NAALAD2: variants seen among roughly 807,000 people sequenced by gnomAD.
The protein encoded by NAALAD2 is N-acetylated alpha-linked acidic dipeptidase 2.
In NAALAD2, 89 loss-of-function variants were observed where a neutral mutation model predicts 95.6. That is an observed-to-expected ratio of 0.93 (90% CI 0.78 to 1.11). The LOEUF (loss-of-function observed/expected upper bound fraction) is 1.11, where lower values mean the gene tolerates loss of function less well. NAALAD2 is among the 50% of genes least tolerant of loss of function. The probability of loss-of-function intolerance (pLI) is 0.00; values close to 1 mark genes in which losing one functional copy is unlikely to be tolerated. For missense variants in NAALAD2, 894 were observed against 872.4 expected (o/e 1.02, Z -0.31); for synonymous variants, 264 against 294.4 (o/e 0.90, Z 1.06).
At chr11:90,159,426 C>T (rs1374576977) in intron 8 of NAALAD2, 89 bp downstream of exon 8, 4 of 929,388 alleles carry the variant, frequency 4.3e-6, no homozygotes, top group Non-Finnish European at 6.7e-6. Flanking sequence ...GGGTATTTTG[C>T]TTATCTCTTT....
rs192763749 is a variant in NAALAD2, at chr11:90,150,622, G to A, written c.609+15G>A. 40 of 1,568,394 alleles carry A rather than the reference G, an allele frequency of 2.6e-5. No homozygotes were observed. In the East Asian group the frequency reaches 8.8e-4, roughly 35 times the overall value. On this transcript the variant is annotated intron_variant, in intron 5 of 18. Transcript: ENST00000534061. Reference sequence around the variant, plus strand: ...GAGGAAATAAAGTACAGTATTATTTGTTTTTCTACAGAGAATGAGAGGATA... The same window carrying A: ...GAGGAAATAAAGTACAGTATTATTTATTTTTCTACAGAGAATGAGAGGATA...
intron 18 of NAALAD2, among the ~76,000 whole-genome samples, chr11:90,187,719 G>C (rs372434381): frequency 6.5e-4 from 99 of 152,182 alleles, no homozygotes; most frequent in African/African-American, 2.3e-3. Context: ...TACGTATAAT[G>C]GATCAATGAC....
At chr11:90,172,555 A>G (rs181454483) in intron 13 of NAALAD2, among the ~76,000 whole-genome samples, 1 of 152,264 alleles carries the variant, frequency 6.6e-6, no homozygotes, top group East Asian at 1.9e-4. Context: ...TTTAATTGCC[A>G]TTTTCTCAGA....
chr11:90,154,997 ATGTGTG>A (rs201108584), intron 6 of NAALAD2, among the ~76,000 whole-genome samples: 1 of 71,110 alleles, frequency 1.4e-5, no homozygotes, highest in Non-Finnish European at 2.4e-5. Flanking sequence ...CATAATATGT[ATGTGTG>A]TATATATTAT....
At chr11:90,135,796 CT>C (rs59013316) in intron 2 of NAALAD2, 126 bp downstream of exon 2, 111,602 of 474,216 alleles carry the variant, frequency 0.24, 6,277 homozygotes, top group African/African-American at 0.49. Context: ...TAGTCATCAA[CT>C]TTTTTTTTTT....
intron 13 of NAALAD2, 106 bp from the exon 14 acceptor site, chr11:90,173,718 T>A (rs1952706976): frequency 1.4e-6 from 1 of 720,862 alleles, no homozygotes; most frequent in African/African-American, 1.8e-5. Flanking sequence ...TACATGTACA[T>A]ATGTTATTAA....
intron 6 of NAALAD2, among the ~76,000 whole-genome samples, chr11:90,155,310 T>A (rs1366198732): frequency 2.5e-5 from 3 of 120,594 alleles, no homozygotes; most frequent in Non-Finnish European, 4.8e-5. Flanking sequence ...ATAATGTATA[T>A]ATTATATATA....
Position 90,159,264 on chromosome 11 carries a change from G to C in NAALAD2, c.916G>C (p.Asp306His). The C allele has an allele frequency of 6.2e-7, 1 of 1,613,718 alleles. No homozygotes were observed. The highest frequency in any genetic ancestry group is 2.2e-5 in the East Asian group (1 of 44,822). The stretch of plus-strand genomic sequence containing the variant: ...CTACTTGGGAGGAATTGCTCCACCA[G>C]ATAAGAGTTGGAAGGGAGCCCTTAA... ...LRYLGGIAPP[D>H]KSWKGALNVS... The change falls in exon 8 of 19, where the codon GAT becomes CAT. Residue 306 changes from aspartate (D) to histidine (H), a missense_variant. Transcript: ENST00000534061.
chr11:90,143,467 T>C (rs1023287282), intron 2 of NAALAD2, among the ~76,000 whole-genome samples: 6 of 152,176 alleles, frequency 3.9e-5, no homozygotes, highest in Non-Finnish European at 5.9e-5. Flanking sequence ...TTAAATCATG[T>C]AACGTCTTAT....
intron 6 of NAALAD2, among the ~76,000 whole-genome samples, chr11:90,154,482 C>T (rs966660895): frequency 1.3e-5 from 2 of 151,732 alleles, no homozygotes; most frequent in African/African-American, 2.4e-5. Flanking sequence ...AAATAAATCC[C>T]ATTTGGTGAC....
intron 18 of NAALAD2, among the ~76,000 whole-genome samples, chr11:90,189,807 C>CAATG (rs1857270716): frequency 6.6e-6 from 1 of 151,900 alleles, no homozygotes; most frequent in Non-Finnish European, 1.5e-5. Context: ...CACAACTCAT[C>CAATG]AGTGAATACT....
intron 2 of NAALAD2, among the ~76,000 whole-genome samples, chr11:90,136,806 T>C (rs1006988427): frequency 6.6e-6 from 1 of 152,202 alleles, no homozygotes; most frequent in African/African-American, 2.4e-5. Context: ...ATGATAAGCA[T>C]AAGTTTAACT....
At chr11:90,155,341 T>TTATATATTACATGTATAATATGTA in intron 6 of NAALAD2, among the ~76,000 whole-genome samples, 4 of 107,630 alleles carry the variant, frequency 3.7e-5, no homozygotes, top group South Asian at 2.8e-4. Flanking sequence ...TATAATTATA[T>TTATATATTACATGTATAATATGTA]ATATTATATA....
At chr11:90,189,421 G>A (rs1857257074) in intron 18 of NAALAD2, among the ~76,000 whole-genome samples, 1 of 152,190 alleles carries the variant, frequency 6.6e-6, no homozygotes, top group African/African-American at 2.4e-5. Flanking sequence ...CAAACATCAA[G>A]TGAAATACTG....
At chr11:90,176,090 T>C in intron 15 of NAALAD2, 28 bp downstream of exon 15, 1 of 1,539,102 alleles carries the variant, frequency 6.5e-7, no homozygotes, top group Non-Finnish European at 9.0e-7. Context: ...TTTGAATATA[T>C]AACATTTCAT....
At chr11:90,158,355 C>T in intron 7 of NAALAD2, 117 bp downstream of exon 7, 1 of 716,504 alleles carries the variant, frequency 1.4e-6, no homozygotes, top group Non-Finnish European at 2.4e-6. Flanking sequence ...CTAAATAACT[C>T]CTGAAATAGG....
At chr11:90,184,628 T>C (rs1393050920) in intron 18 of NAALAD2, among the ~76,000 whole-genome samples, 1 of 152,080 alleles carries the variant, frequency 6.6e-6, no homozygotes, top group African/African-American at 2.4e-5. Context: ...ATTTTGTCAT[T>C]ATTTTAAAAA....
chr11:90,173,289 A>G (rs750132773), intron 13 of NAALAD2, among the ~76,000 whole-genome samples: 7 of 152,324 alleles, frequency 4.6e-5, no homozygotes, highest in East Asian at 1.9e-4. Context: ...TTTAAACATA[A>G]TAAGACTGTC....
intron 12 of NAALAD2, among the ~76,000 whole-genome samples, 177 bp from the exon 13 acceptor site, chr11:90,169,892 T>C (rs534471187): frequency 4.6e-4 from 70 of 152,298 alleles, no homozygotes; most frequent in African/African-American, 1.6e-3. Context: ...GAATATTTGG[T>C]GCAGGCTCTC....
Sources: allele counts gnomAD v4.1 joint callset (sites outside exome capture counted in the v4.1 genomes callset), GRCh38; gene constraint gnomAD v4.1.1; transcripts MANE v1.5; gene names NCBI Gene and HGNC (gene_info 2026-07-23, HGNC 2026-07-21).